Variants in PHF2 observed in about 807,000 individuals in gnomAD.
PHF2 encodes PHD finger protein 2, also known as lysine-specific demethylase PHF2.
A neutral mutation model predicts 120.5 loss-of-function variants in PHF2; 27 were observed. The ratio of observed to expected loss-of-function variants is 0.22; its 90% CI spans 0.17 to 0.31. The LOEUF (loss-of-function observed/expected upper bound fraction) is 0.31, where lower values mean the gene tolerates loss of function less well. PHF2 is among the 10% of genes least tolerant of loss of function. PHF2 has a pLI of 1.00. For missense variants in PHF2, 1,024 were observed against 1,434.8 expected (o/e 0.71, Z 4.63); for synonymous variants, 568 against 592.5 (o/e 0.96, Z 0.60).
chr9:93,588,154 C>T (rs982430536), intron 1 of PHF2, among the ~76,000 whole-genome samples: 3 of 152,216 alleles, frequency 2.0e-5, no homozygotes, highest in Non-Finnish European at 2.9e-5. Context: ...CACAGCTCTG[C>T]GGACCTGTTT....
chr9:93,598,147 T>A (rs925744286), intron 1 of PHF2, among the ~76,000 whole-genome samples: 1 of 152,214 alleles, frequency 6.6e-6, no homozygotes, highest in African/African-American at 2.4e-5. Context: ...AGGCCTGCCA[T>A]CTGCCTGGTG....
rs1438628449 is a variant in PHF2, at chr9:93,676,739, C to T, written c.2978C>T (p.Pro993Leu). ...PASTTPASTT[P>L]ASTSTASSQA... ...TCTACCACCCCGGCCTCCACCACCC[C>T]GGCCTCCACCAGCACGGCCAGCAGC... The change falls in exon 21 of 22, where the codon CCG (proline) becomes CTG (leucine). Residue 993 changes from proline (P) to leucine (L), a missense_variant. This residue lies in a region of PHF2 where 677 missense variants were observed against 857.4 expected (regional missense o/e 0.79). Coordinates refer to ENST00000359246, the MANE Select transcript of PHF2 (RefSeq NM_005392.4). The T allele has an allele frequency of 1.2e-5, 19 of 1,556,068 alleles. No individual in the cohort carries two copies. Among genetic ancestry groups the T allele is most frequent in the East Asian group, 2.4e-5 (1 of 41,232 alleles).
chr9:93,585,530 T>G (rs1463382811), intron 1 of PHF2, among the ~76,000 whole-genome samples: 1 of 152,234 alleles, frequency 6.6e-6, no homozygotes, highest in Non-Finnish European at 1.5e-5. Context: ...GTGGAGAGCA[T>G]GTGTAAAGCC....
intron 1 of PHF2, among the ~76,000 whole-genome samples, chr9:93,621,384 C>G (rs1357281298): frequency 6.6e-6 from 1 of 152,234 alleles, no homozygotes; most frequent in African/African-American, 2.4e-5. Flanking sequence ...GGGTCTCCTG[C>G]ACAAAGCAGT....
intron 7 of PHF2, among the ~76,000 whole-genome samples, chr9:93,655,467 TG>T (rs1259667717): frequency 6.6e-6 from 1 of 152,202 alleles, no homozygotes; most frequent in Non-Finnish European, 1.5e-5. Flanking sequence ...GAGGATAACC[TG>T]GGGACCAGTC....
intron 17 of PHF2, among the ~76,000 whole-genome samples, chr9:93,671,434 G>T (rs1237440747): frequency 1.8e-5 from 2 of 113,310 alleles, no homozygotes; most frequent in Non-Finnish European, 3.7e-5. Context: ...AGGTGTAGAT[G>T]CAGGTGGGTG....
intron 18 of PHF2, among the ~76,000 whole-genome samples, chr9:93,674,599 G>A (rs1209672465): frequency 1.3e-5 from 2 of 152,190 alleles, no homozygotes; most frequent in African/African-American, 2.4e-5. Context: ...TCCATGAACA[G>A]ATGTACGGAG....
intron 1 of PHF2, among the ~76,000 whole-genome samples, chr9:93,601,336 A>G (rs189906813): frequency 6.6e-6 from 1 of 152,340 alleles, no homozygotes; most frequent in East Asian, 1.9e-4. Context: ...TGTAAGTAGC[A>G]TAACTTTATA....
At chr9:93,641,891 C>G (rs1826177673) in intron 3 of PHF2, among the ~76,000 whole-genome samples, 1 of 152,108 alleles carries the variant, frequency 6.6e-6, no homozygotes, top group African/African-American at 2.4e-5. Flanking sequence ...CCTTTGTTTT[C>G]TTCTGTGAGT....
chr9:93,595,415 G>A (rs1327634838), intron 1 of PHF2, among the ~76,000 whole-genome samples: 4 of 152,182 alleles, frequency 2.6e-5, no homozygotes, highest in Non-Finnish European at 5.9e-5. Flanking sequence ...ATGAGGAGCC[G>A]CTTTCAGTTG....
At chr9:93,638,709 C>T (rs1331353590) in intron 3 of PHF2, among the ~76,000 whole-genome samples, 1 of 152,098 alleles carries the variant, frequency 6.6e-6, no homozygotes, top group Admixed American at 6.6e-5. Context: ...AAGTATAAGT[C>T]TTCCAAGTTT....
chr9:93,577,235 G>A (rs112087911), intron 1 of PHF2, among the ~76,000 whole-genome samples: 3 of 151,218 alleles, frequency 2.0e-5, no homozygotes, highest in Admixed American at 6.6e-5. Context: ...GCATCCGGAG[G>A]GAGGCCGAGG....
In PHF2 at chr9:93,655,980, G is replaced by A. The variant is rs558191431; in HGVS notation, c.999G>A (p.Ala333=). The part of the protein sequence containing the change: ...TLTPVDCLAF[A]GHFLHSLSVE... ...CCCCTGTGGACTGCCTGGCCTTCGC[G>A]GGACATTTCCTCCACAGCCTGAGTG... is the stretch of plus-strand genomic sequence containing the variant. The change falls in exon 8 of 22, where the codon GCG becomes GCA. Residue 333 remains alanine (A), a synonymous_variant. Coordinates refer to ENST00000359246, the MANE Select transcript of PHF2 (RefSeq NM_005392.4). 7 of 1,612,974 alleles carry A rather than the reference G, an allele frequency of 4.3e-6. No individual in the cohort carries two copies. Among genetic ancestry groups the A allele is most frequent in the East Asian group, 2.2e-5 (1 of 44,846 alleles).
intron 1 of PHF2, among the ~76,000 whole-genome samples, chr9:93,629,487 A>G (rs890361303): frequency 1.3e-5 from 2 of 152,156 alleles, no homozygotes; most frequent in Non-Finnish European, 2.9e-5. Flanking sequence ...TCCTAAGGCC[A>G]GGCTGGTAGG....
At chr9:93,636,610 G>A in intron 3 of PHF2, 85 bp downstream of exon 3, 3 of 1,009,422 alleles carry the variant, frequency 3.0e-6, no homozygotes, top group East Asian at 5.3e-5. Context: ...TCCATTGCTG[G>A]GGGCTTCCTT....
rs147120080 is a variant in PHF2, at chr9:93,611,547, G to A, written c.99-18423G>A. Among the ~76,000 whole-genome samples, 902 of 152,212 alleles carry A rather than the reference G, an allele frequency of 5.9e-3. 9 individuals are homozygous for A. Among genetic ancestry groups the A allele is most frequent in the African/African-American group, 0.021 (853 of 41,516 alleles). On this transcript the variant is annotated intron_variant, in intron 1 of 21. Transcript: ENST00000359246. Reference sequence around the variant, plus strand: ...ATTTTTTAATACAGGGTCTTGCTCTGTCACCCAGGATGGAGTGCAGTGGTG... The same window carrying A: ...ATTTTTTAATACAGGGTCTTGCTCTATCACCCAGGATGGAGTGCAGTGGTG...
intron 1 of PHF2, among the ~76,000 whole-genome samples, chr9:93,603,811 C>T (rs139865075): frequency 2.0e-5 from 3 of 152,218 alleles, no homozygotes; most frequent in Non-Finnish European, 2.9e-5. Flanking sequence ...GCATCGCCTC[C>T]TCCCAGAGGC....
chr9:93,635,177 T>TG (rs1293769575), intron 2 of PHF2, among the ~76,000 whole-genome samples: 1 of 152,078 alleles, frequency 6.6e-6, no homozygotes, highest in Non-Finnish European at 1.5e-5. Context: ...GCAGGGAGAT[T>TG]GAACACAATG....
At chr9:93,676,407 G>A (rs908105900) in intron 20 of PHF2, among the ~76,000 whole-genome samples, 187 bp from the exon 21 acceptor site, 1 of 152,196 alleles carries the variant, frequency 6.6e-6, no homozygotes, top group Admixed American at 6.5e-5. Flanking sequence ...CCAGGCAGCT[G>A]CTGTGGGTGC....
Sources: allele counts gnomAD v4.1 joint callset (sites outside exome capture counted in the v4.1 genomes callset), GRCh38; gene constraint gnomAD v4.1.1; regional missense constraint gnomAD v4.1.1; transcripts MANE v1.5; gene names NCBI Gene and HGNC (gene_info 2026-07-23, HGNC 2026-07-21).